Variants in HSD17B11 observed in about 807,000 individuals in gnomAD.
The protein encoded by HSD17B11 is hydroxysteroid 17-beta dehydrogenase 11.
Under a neutral mutation model 27.8 loss-of-function variants are expected in HSD17B11, and 22 were observed. The ratio of observed to expected loss-of-function variants is 0.79; its 90% CI spans 0.56 to 1.13. The LOEUF (loss-of-function observed/expected upper bound fraction) is 1.13, where lower values mean the gene tolerates loss of function less well. Ranked by LOEUF, HSD17B11 falls within the 50% of genes most tolerant of loss-of-function variation. The probability of loss-of-function intolerance (pLI) is 0.00; values close to 1 mark genes in which losing one functional copy is unlikely to be tolerated. For synonymous variants in HSD17B11, 117 were observed against 132.8 expected, an observed-to-expected ratio of 0.88 and a Z score of 0.82; for missense variants, 314 against 351.1, an observed-to-expected ratio of 0.89 and a Z score of 0.84.
intron 4 of HSD17B11, among the ~76,000 whole-genome samples, chr4:87,358,060 C>CA (rs1735425057): frequency 1.4e-5 from 2 of 144,744 alleles, no homozygotes; most frequent in Admixed American, 1.4e-4. Flanking sequence ...CTCCCGGGTT[C>CA]CCGCCATTCT....
intron 3 of HSD17B11, chr4:87,374,387 G>A (rs62319100): frequency 0.35 from 64,312 of 186,386 alleles, 12,628 homozygotes; most frequent in African/African-American, 0.54. Context: ...ACGATGACTC[G>A]GATGGTCCCC....
At chr4:87,358,709 A>T (rs1735439688) in intron 4 of HSD17B11, among the ~76,000 whole-genome samples, 1 of 152,228 alleles carries the variant, frequency 6.6e-6, no homozygotes, top group Non-Finnish European at 1.5e-5. Context: ...TGTATGAATT[A>T]GCAATTACAC....
At chr4:87,390,399 G>T (rs143537950) in intron 1 of HSD17B11, among the ~76,000 whole-genome samples, 1 of 152,122 alleles carries the variant, frequency 6.6e-6, no homozygotes, top group Non-Finnish European at 1.5e-5. Flanking sequence ...CTCGCGATCC[G>T]CCTGCCTTGG....
chr4:87,358,570 G>T (rs1022348752), intron 4 of HSD17B11, among the ~76,000 whole-genome samples: 5 of 151,910 alleles, frequency 3.3e-5, no homozygotes, highest in African/African-American at 1.2e-4. Flanking sequence ...CAATTAAATG[G>T]TTTTTGATAT....
intron 1 of HSD17B11, among the ~76,000 whole-genome samples, chr4:87,389,003 C>G (rs1720386997): frequency 6.6e-6 from 1 of 152,150 alleles, no homozygotes. Context: ...TCATATCATA[C>G]TGACAGCTTT....
At chr4:87,373,740 T>C (rs1735766462) in intron 3 of HSD17B11, among the ~76,000 whole-genome samples, 1 of 152,052 alleles carries the variant, frequency 6.6e-6, no homozygotes, top group African/African-American at 2.4e-5. Flanking sequence ...CAGTAACCTA[T>C]ATTTGAACAA....
rs771268663 is a variant in HSD17B11 at position 87,391,061 on chromosome 4, G to A, written c.10C>T (p.Leu4Phe). 8 of 1,611,302 alleles carry A rather than the reference G, an allele frequency of 5.0e-6. No homozygotes were observed. The highest frequency in any genetic ancestry group is 5.1e-6 in the Non-Finnish European group (6 of 1,178,662). The change falls in exon 1 of 7, where the codon CTT becomes TTT. Residue 4 changes from leucine (L) to phenylalanine (F), a missense_variant. Coordinates refer to ENST00000358290, the MANE Select transcript of HSD17B11 (RefSeq NM_016245.5). ...GGGAGAAGCAGGAGGATGTCCAGAA[G>A]AAATTTCATCCCTTTTGTGGCTGCG... MKF[L>F]LDILLLLPLL...
At chr4:87,389,470 C>T (rs1002248057) in intron 1 of HSD17B11, among the ~76,000 whole-genome samples, 41 of 152,210 alleles carry the variant, frequency 2.7e-4, no homozygotes, top group African/African-American at 8.9e-4. Flanking sequence ...GTCATCTGCC[C>T]GCCTCGGCCT....
intron 4 of HSD17B11, among the ~76,000 whole-genome samples, chr4:87,370,114 A>G (rs1735680666): frequency 1.3e-5 from 2 of 152,210 alleles, no homozygotes; most frequent in Admixed American, 1.3e-4. Context: ...ACTCAGGACA[A>G]TGATAGATGA....
intron 3 of HSD17B11, 71 bp from the exon 4 acceptor site, chr4:87,372,886 G>C (rs1364545544): frequency 2.1e-5 from 19 of 910,046 alleles, no homozygotes; most frequent in Non-Finnish European, 3.1e-5. Flanking sequence ...GGAATATTTT[G>C]AAACAAAAGT....
Position 87,362,755 on chromosome 4 carries a change from GA to G in HSD17B11, c.558-5340del, listed in dbSNP as rs539428652. Among the ~76,000 whole-genome samples the G allele has an allele frequency of 1.0e-3, 157 of 152,236 alleles. 2 individuals carry two copies. The highest frequency in any genetic ancestry group is 3.8e-3 in the Admixed American group (58 of 15,294). ...GGGAGCTTTTTCCTGCCTAAAAGGG[GA>G]AACTTGAGAGCTGACAGGATTGCTG... On this transcript the variant is annotated intron_variant, in intron 4 of 6. Transcript: ENST00000358290.
chr4:87,341,681 C>A (rs1246126742), intron 5 of HSD17B11, among the ~76,000 whole-genome samples: 7 of 151,876 alleles, frequency 4.6e-5, no homozygotes, highest in Admixed American at 4.6e-4. Context: ...GCCATCATGG[C>A]AAAATCCTGT....
chr4:87,390,325 T>G (rs1476179779), intron 1 of HSD17B11, among the ~76,000 whole-genome samples: 1 of 151,858 alleles, frequency 6.6e-6, no homozygotes, highest in Non-Finnish European at 1.5e-5. Flanking sequence ...CCCGGCTAAT[T>G]TTTTTTTGGT....
chr4:87,354,927 C>A (rs992279523), intron 5 of HSD17B11, among the ~76,000 whole-genome samples: 85 of 88,046 alleles, frequency 9.7e-4, no homozygotes, highest in African/African-American at 3.5e-3. Flanking sequence ...CCAGCCTGGG[C>A]AAACAGCAAA....
rs1292718283 is a variant in HSD17B11 at position 87,378,893 on chromosome 4, TA to T, written c.318+3361del. On this transcript the variant is annotated intron_variant, in intron 2 of 6. Coordinates refer to ENST00000358290, the MANE Select transcript of HSD17B11 (RefSeq NM_016245.5). ...ATATATATATATAAATATATATATA[TA>T]AATATATATAAATATATATATATAA... is the stretch of plus-strand genomic sequence containing the variant. 1.1e-3 allele frequency among the ~76,000 whole-genome samples: 17 copies of T among 14,814 alleles called. 1 individual carries two copies. Among genetic ancestry groups the T allele is most frequent in the African/African-American group, 6.2e-3 (17 of 2,734 alleles). 9.7% of individuals were successfully genotyped at this position (14,814 alleles called of 152,430 possible). A position where few individuals can be genotyped will look rare whatever the true frequency, so the allele number is the denominator to read the frequency against.
chr4:87,383,422 C>T (rs1720224161), intron 1 of HSD17B11, among the ~76,000 whole-genome samples: 1 of 152,052 alleles, frequency 6.6e-6, no homozygotes, highest in Non-Finnish European at 1.5e-5. Context: ...ATGACACAAA[C>T]TTGAAATGTG....
At chr4:87,361,089 G>A (rs1238275039) in intron 4 of HSD17B11, among the ~76,000 whole-genome samples, 2 of 152,140 alleles carry the variant, frequency 1.3e-5, no homozygotes, top group African/African-American at 4.8e-5. Context: ...AACCTACCGG[G>A]CTGTATTCCC....
At chr4:87,390,555 T>C (rs184408347) in intron 1 of HSD17B11, among the ~76,000 whole-genome samples, 185 of 152,330 alleles carry the variant, frequency 1.2e-3, no homozygotes, top group African/African-American at 4.3e-3. Flanking sequence ...GATTGTTTTT[T>C]CCCTATTTTT....
In HSD17B11 at chr4:87,353,975, C is replaced by G. The variant is rs553196684; in HGVS notation, c.695+3304G>C. Among the ~76,000 whole-genome samples the G allele has an allele frequency of 3.3e-5, 5 of 152,240 alleles. No individual in the cohort carries two copies. The South Asian group carries it at 1.0e-3, about 32-fold the overall frequency. Reference sequence around the variant, plus strand: ...TTCCCAACCTGAAAAACATATCTGTCCCTTCTCTTCTCTCTTCAGACTCCA... The same window carrying G: ...TTCCCAACCTGAAAAACATATCTGTGCCTTCTCTTCTCTCTTCAGACTCCA... On this transcript the variant is annotated intron_variant, in intron 5 of 6. Transcript: ENST00000358290.
Sources: gnomAD v4.1 joint callset for allele counts (sites outside exome capture counted in the v4.1 genomes callset) on GRCh38, gnomAD v4.1.1 for gene constraint, MANE v1.5 for transcripts, NCBI Gene and HGNC (gene_info 2026-07-23, HGNC 2026-07-21) for gene names.